The following SLC39A11 variants were observed in gnomAD, a reference collection of about 807,000 sequenced individuals.
The protein encoded by SLC39A11 is solute carrier family 39 member 11, also known as zinc transporter ZIP11.
A neutral mutation model predicts 36.1 loss-of-function variants in SLC39A11; 33 were observed. The ratio of observed to expected loss-of-function variants is 0.91; its 90% CI spans 0.69 to 1.22. SLC39A11 has a LOEUF of 1.22. Ranked by LOEUF, SLC39A11 falls within the 50% of genes most tolerant of loss-of-function variation. The pLI is 0.00. For synonymous variants in SLC39A11, 166 were observed against 170.3 expected, an observed-to-expected ratio of 0.97 and a Z score of 0.20; for missense variants, 432 against 430.3, an observed-to-expected ratio of 1.00 and a Z score of -0.03.
intron 6 of SLC39A11, among the ~76,000 whole-genome samples, chr17:72,792,576 C>T (rs2076747662): frequency 6.6e-6 from 1 of 152,188 alleles, no homozygotes; most frequent in South Asian, 2.1e-4. Context: ...AGCATTTGAA[C>T]CCAAGCTCCT....
chr17:72,874,534 C>G (rs1310337235), intron 5 of SLC39A11, among the ~76,000 whole-genome samples: 1 of 152,198 alleles, frequency 6.6e-6, no homozygotes, highest in Non-Finnish European at 1.5e-5. Context: ...GCTGGTAATT[C>G]AAGGTCCTAT....
chr17:73,075,789 GT>G (rs2060299404), intron 3 of SLC39A11, among the ~76,000 whole-genome samples: 1 of 152,130 alleles, frequency 6.6e-6, no homozygotes, highest in African/African-American at 2.4e-5. Context: ...GGAGGCAGAG[GT>G]TGCAGTCAGC....
chr17:72,811,203 G>A (rs751356824), intron 6 of SLC39A11, among the ~76,000 whole-genome samples: 5 of 152,128 alleles, frequency 3.3e-5, no homozygotes, highest in Non-Finnish European at 7.4e-5. Flanking sequence ...TTGTCTGGGA[G>A]GGTGCATTTT....
chr17:72,752,421 T>C (rs1480361060), intron 6 of SLC39A11, among the ~76,000 whole-genome samples: 2 of 151,942 alleles, frequency 1.3e-5, no homozygotes, highest in Admixed American at 6.6e-5. Context: ...ACTTTAGTAT[T>C]TTTAGTAGAG....
intron 6 of SLC39A11, among the ~76,000 whole-genome samples, chr17:72,763,732 A>G (rs2075669748): frequency 6.6e-6 from 1 of 152,208 alleles, no homozygotes; most frequent in Non-Finnish European, 1.5e-5. Context: ...TTGGGGACAT[A>G]CTGAAACCCA....
intron 4 of SLC39A11, among the ~76,000 whole-genome samples, chr17:72,969,265 G>C (rs1179338921): frequency 6.6e-6 from 1 of 152,072 alleles, no homozygotes; most frequent in African/African-American, 2.4e-5. Context: ...GCTAGACACC[G>C]AGCGCCCACC....
intron 5 of SLC39A11, among the ~76,000 whole-genome samples, chr17:72,872,978 C>T (rs2080719337): frequency 2.7e-5 from 4 of 149,514 alleles, no homozygotes; most frequent in Admixed American, 6.8e-5. Context: ...GGCGTGAACC[C>T]GGGAGGCGGA....
intron 7 of SLC39A11, among the ~76,000 whole-genome samples, chr17:72,731,961 G>A (rs933979586): frequency 3.3e-5 from 5 of 150,936 alleles, no homozygotes; most frequent in East Asian, 1.9e-4. Context: ...TCCTGATCTC[G>A]GGTGATCCAC....
intron 6 of SLC39A11, among the ~76,000 whole-genome samples, chr17:72,745,376 T>G (rs986673385): frequency 2.0e-5 from 3 of 152,200 alleles, no homozygotes; most frequent in African/African-American, 7.2e-5. Context: ...TCAGATCATC[T>G]CAGCAATGAG....
At chr17:72,686,313 C>T (rs566999640) in intron 7 of SLC39A11, among the ~76,000 whole-genome samples, 1 of 152,204 alleles carries the variant, frequency 6.6e-6, no homozygotes, top group African/African-American at 2.4e-5. Context: ...CTCATCCCTG[C>T]TTCTGAGCCA....
chr17:72,832,398 T>C (rs908414739), intron 6 of SLC39A11, among the ~76,000 whole-genome samples: 1 of 152,240 alleles, frequency 6.6e-6, no homozygotes, highest in Non-Finnish European at 1.5e-5. Context: ...TATTTTTTTC[T>C]ATCCTCTCCC....
intron 3 of SLC39A11, among the ~76,000 whole-genome samples, chr17:73,080,790 CA>C (rs2060482770): frequency 6.6e-6 from 1 of 151,646 alleles, no homozygotes; most frequent in South Asian, 2.1e-4. Context: ...ACTGAAAATA[CA>C]AAAAATAGCC....
At chr17:72,684,098 C>G (rs1268824406) in intron 7 of SLC39A11, among the ~76,000 whole-genome samples, 1 of 152,086 alleles carries the variant, frequency 6.6e-6, no homozygotes, top group East Asian at 1.9e-4. Flanking sequence ...TCCTTCTGGC[C>G]CCTGGGGAGC....
intron 7 of SLC39A11, among the ~76,000 whole-genome samples, chr17:72,684,458 C>A (rs943382100): frequency 2.0e-5 from 3 of 152,340 alleles, no homozygotes; most frequent in Admixed American, 1.3e-4. Context: ...CAGCCACTGT[C>A]CCAGGTTTGG....
At chr17:72,879,559 C>A (rs2081090705) in intron 5 of SLC39A11, among the ~76,000 whole-genome samples, 1 of 152,322 alleles carries the variant, frequency 6.6e-6, no homozygotes, top group South Asian at 2.1e-4. Flanking sequence ...AACACAAGCT[C>A]TGTGAGGACA....
At chr17:72,977,054 G>A (rs2087904405) in intron 4 of SLC39A11, among the ~76,000 whole-genome samples, 1 of 152,104 alleles carries the variant, frequency 6.6e-6, no homozygotes, top group Non-Finnish European at 1.5e-5. Context: ...GCTTGCGTTA[G>A]GATAAGATTA....
chr17:72,806,587 T>C (rs1467626657), intron 6 of SLC39A11, among the ~76,000 whole-genome samples: 1 of 152,140 alleles, frequency 6.6e-6, no homozygotes, highest in Non-Finnish European at 1.5e-5. Flanking sequence ...TGTATCACTT[T>C]TGCACTTTTT....
At chr17:72,743,953 CAA>C (rs2074824557) in intron 6 of SLC39A11, among the ~76,000 whole-genome samples, 1 of 152,200 alleles carries the variant, frequency 6.6e-6, no homozygotes, top group Non-Finnish European at 1.5e-5. Context: ...GTCTGGAAGA[CAA>C]ACTTGAACAT....
At chr17:72,729,403 ATT>A (rs200398125) in intron 7 of SLC39A11, among the ~76,000 whole-genome samples, 6 of 41,924 alleles carry the variant, frequency 1.4e-4, no homozygotes, top group Admixed American at 7.9e-4. Flanking sequence ...CCACCTGGCT[ATT>A]TATATATATA....
Sources: gnomAD v4.1 joint callset for allele counts (sites outside exome capture counted in the v4.1 genomes callset) on GRCh38, gnomAD v4.1.1 for gene constraint, MANE v1.5 for transcripts, NCBI Gene and HGNC (gene_info 2026-07-23, HGNC 2026-07-21) for gene names.